Variants in KIRREL3 observed in about 807,000 individuals in gnomAD.
KIRREL3 encodes kin of IRRE-like protein 3.
Under a neutral mutation model 89.7 loss-of-function variants are expected in KIRREL3, and 36 were observed. That is an observed-to-expected ratio of 0.40 (90% CI 0.31 to 0.53). The LOEUF is 0.53. KIRREL3 is among the 20% of genes least tolerant of loss of function. The pLI, the probability that KIRREL3 is intolerant of heterozygous loss-of-function variation, is 0.49. For synonymous variants in KIRREL3, 445 were observed against 441.4 expected (o/e 1.01, Z -0.10); for missense variants, 864 against 1,056.6 (o/e 0.82, Z 2.53).
chr11:126,972,723 G>A (rs565652278), intron 1 of KIRREL3, among the ~76,000 whole-genome samples: 1 of 152,208 alleles, frequency 6.6e-6, no homozygotes, highest in Non-Finnish European at 1.5e-5. Context: ...GCCTGACACC[G>A]TGTCCGTATT....
intron 1 of KIRREL3, among the ~76,000 whole-genome samples, chr11:126,881,660 G>C (rs1387452036): frequency 6.6e-6 from 1 of 152,230 alleles, no homozygotes; most frequent in South Asian, 2.1e-4. Context: ...CAGTTCTCAG[G>C]CCTCAGCATT....
Position 126,732,578 on chromosome 11 carries a change from A to G in KIRREL3, c.56-169666T>C, listed in dbSNP as rs557331998. Among the ~76,000 whole-genome samples, 5 of 152,378 alleles carry G rather than the reference A, an allele frequency of 3.3e-5. No homozygotes were observed. The South Asian group carries it at 1.0e-3, about 32-fold the overall frequency. On this transcript the variant is annotated intron_variant, in intron 1 of 16. Coordinates refer to ENST00000525144, the MANE Select transcript of KIRREL3 (RefSeq NM_032531.4). ...CTGCTTGTCTCGGGAAAGTGTAGTC[A>G]GCTGCAGAGAGACAGTGAGAGAGTG...
Position 126,436,963 on chromosome 11 carries a change from C to T in KIRREL3, c.1400G>A (p.Arg467His), listed in dbSNP as rs369617080. The change falls in exon 12 of 17, where the codon CGC becomes CAC. Residue 467 changes from arginine to histidine, a missense_variant. By Grantham distance (29) the Arg-to-His change is conservative. Coordinates refer to ENST00000525144, the MANE Select transcript of KIRREL3 (RefSeq NM_032531.4). ...GGTGCTGATGGTCTCCACCGTATAGCGCCCCGATGTGCCCGACTCCAGAAC... is the reference window on the plus strand; with the variant it reads ...GGTGCTGATGGTCTCCACCGTATAGTGCCCCGATGTGCCCGACTCCAGAAC... ...ENVLESGTSG[R>H]YTVETISTEE... The T allele has an allele frequency of 1.3e-5, 20 of 1,591,998 alleles. No homozygotes were observed. Among genetic ancestry groups the T allele is most frequent in the African/African-American group, 5.4e-5 (4 of 74,492 alleles).
chr11:126,632,743 C>T (rs1380667524), intron 1 of KIRREL3, among the ~76,000 whole-genome samples: 1 of 3,944 alleles, frequency 2.5e-4, no homozygotes, highest in Non-Finnish European at 6.8e-4. Flanking sequence ...ACTAATGTCT[C>T]CTCATCAATT....
intron 1 of KIRREL3, among the ~76,000 whole-genome samples, chr11:126,662,229 T>C (rs1945437073): frequency 6.6e-6 from 1 of 152,064 alleles, no homozygotes; most frequent in African/African-American, 2.4e-5. Context: ...AAAGGAAAAA[T>C]GCATTGCTAT....
chr11:126,577,592 C>CA (rs61210940), intron 1 of KIRREL3, among the ~76,000 whole-genome samples: 52,118 of 115,876 alleles, frequency 0.45, 12,030 homozygotes, highest in Middle Eastern at 0.57. Context: ...ACTAAAAATA[C>CA]AAAAAAAAAA....
chr11:126,698,842 C>A (rs1053261178), intron 1 of KIRREL3, among the ~76,000 whole-genome samples: 94 of 152,302 alleles, frequency 6.2e-4, no homozygotes, highest in African/African-American at 2.3e-3. Flanking sequence ...TGCACAGAGC[C>A]CAGTAGGAAA....
At chr11:126,435,231 C>G (rs751029688) in intron 13 of KIRREL3, 37 bp downstream of exon 13, 2 of 1,611,374 alleles carry the variant, frequency 1.2e-6, no homozygotes, top group South Asian at 2.2e-5. Context: ...GTCCCTTCCC[C>G]CCTTCCCAGG....
Position 126,448,821 on chromosome 11 carries a change from G to T in KIRREL3, c.997+188C>A, listed in dbSNP as rs555589365. Among the ~76,000 whole-genome samples the T allele has an allele frequency of 4.9e-4, 74 of 152,298 alleles. No homozygotes were observed. The Middle Eastern group carries it at 0.01, about 21-fold the overall frequency. ...CCCAGCCAAGACCCTGACTCATGGG[G>T]TCATGATAGGGATTGAAATAAACAT... is the stretch of plus-strand genomic sequence containing the variant. On this transcript the variant is annotated intron_variant, in intron 8 of 16. Transcript: ENST00000525144.
chr11:126,853,984 T>C (rs1944423459), intron 1 of KIRREL3, among the ~76,000 whole-genome samples: 2 of 152,120 alleles, frequency 1.3e-5, no homozygotes, highest in Non-Finnish European at 2.9e-5. Flanking sequence ...GTAGTGCACA[T>C]GAATCATCTC....
chr11:126,602,509 T>A (rs1024740218), intron 1 of KIRREL3, among the ~76,000 whole-genome samples: 1 of 152,202 alleles, frequency 6.6e-6, no homozygotes, highest in Admixed American at 6.5e-5. Context: ...CCCTGACAGA[T>A]GAGGGAGAGG....
chr11:126,446,718 C>A lies in KIRREL3; in HGVS notation c.1125+41G>T, dbSNP rs558062087. 8.9e-6 allele frequency: 14 copies of A among 1,573,060 alleles called. No individual in the cohort carries two copies. The African/African-American group carries it at 1.2e-4, about 14-fold the overall frequency. ...TTCCTTCTTGCTCCACTGTCCCCGC[C>A]CCCTGCCAGAGGTGCCCCGAGGTCT... On this transcript the variant is annotated intron_variant, in intron 9 of 16. Coordinates refer to ENST00000525144, the MANE Select transcript of KIRREL3 (RefSeq NM_032531.4).
Position 126,623,522 on chromosome 11 carries a change from T to A in KIRREL3, c.56-60610A>T, listed in dbSNP as rs1158338667. Among the ~76,000 whole-genome samples the A allele has an allele frequency of 1.3e-5, 2 of 152,034 alleles. No homozygotes were observed. Among genetic ancestry groups the A allele is most frequent in the Non-Finnish European group, 2.9e-5 (2 of 68,012 alleles). ...TGAGATTTTGTAGCCACTGGAATGA[T>A]CAGAAAAACGTCTGTGTGAATCTTG... On this transcript the variant is annotated intron_variant, in intron 1 of 16. Coordinates refer to ENST00000525144, the MANE Select transcript of KIRREL3 (RefSeq NM_032531.4). The surrounding 1 kb of genome is among the most constrained non-coding windows in gnomAD (Gnocchi z 4.1).
intron 1 of KIRREL3, among the ~76,000 whole-genome samples, chr11:126,874,321 A>G (rs1274600906): frequency 1.3e-5 from 2 of 152,210 alleles, no homozygotes; most frequent in Admixed American, 1.3e-4. Flanking sequence ...AACCATGCTT[A>G]TGAGGGTAGG....
In KIRREL3 at chr11:126,609,433, G is replaced by A. The variant is rs78784611; in HGVS notation, c.56-46521C>T. 1.3e-5 allele frequency among the ~76,000 whole-genome samples: 2 copies of A among 152,120 alleles called. No homozygotes were observed. The highest frequency in any genetic ancestry group is 6.5e-5 in the Admixed American group (1 of 15,278). On this transcript the variant is annotated intron_variant, in intron 1 of 16. Coordinates refer to ENST00000525144, the MANE Select transcript of KIRREL3 (RefSeq NM_032531.4). The surrounding 1 kb of genome is among the most constrained non-coding windows in gnomAD (Gnocchi z 5.0). Reference sequence around the variant, plus strand: ...AAGCAACCAGAGTTATTCCTGCCTCGGGACATGTATGAGGACGGTCTCCTT... The same window carrying A: ...AAGCAACCAGAGTTATTCCTGCCTCAGGACATGTATGAGGACGGTCTCCTT...
At chr11:126,942,098 G>A (rs1948467652) in intron 1 of KIRREL3, among the ~76,000 whole-genome samples, 3 of 152,158 alleles carry the variant, frequency 2.0e-5, no homozygotes, top group Admixed American at 6.6e-5. Flanking sequence ...GTGGGGGCAG[G>A]TGGTACCTTC....
In KIRREL3 at chr11:126,903,938, T is replaced by C. The variant is rs150184596; in HGVS notation, c.55+96517A>G. On this transcript the variant is annotated intron_variant, in intron 1 of 16. Transcript: ENST00000525144. The surrounding 1 kb of genome is among the most constrained non-coding windows in gnomAD (Gnocchi z 4.5). ...CCAACAATGAAAGTAATCCCTTGGT[T>C]CACCCTGGAACAGAACCAGTTCTTT... Among the ~76,000 whole-genome samples, 2 of 152,296 alleles carry C rather than the reference T, an allele frequency of 1.3e-5. No individual in the cohort carries two copies. The highest frequency in any genetic ancestry group is 2.4e-5 in the African/African-American group (1 of 41,566).
chr11:126,791,967 G>C lies in KIRREL3; in HGVS notation c.55+208488C>G, dbSNP rs1452815203. Reference sequence around the variant, plus strand: ...ACAGGTGAAATTCATTGGTGGTGTGGTTCTCCTCTTCTCTGTATGCCACTT... The same window carrying C: ...ACAGGTGAAATTCATTGGTGGTGTGCTTCTCCTCTTCTCTGTATGCCACTT... On this transcript the variant is annotated intron_variant, in intron 1 of 16. Transcript: ENST00000525144. The surrounding 1 kb of genome is among the most constrained non-coding windows in gnomAD (Gnocchi z 4.8). Among the ~76,000 whole-genome samples the C allele has an allele frequency of 6.6e-6, 1 of 152,092 alleles. No homozygotes were observed. The highest frequency in any genetic ancestry group is 1.5e-5 in the Non-Finnish European group (1 of 68,024).
chr11:126,526,414 T>C lies in KIRREL3; in HGVS notation c.283+124A>G. 2.1e-6 allele frequency: 2 copies of C among 939,636 alleles called. No homozygotes were observed. Among genetic ancestry groups the C allele is most frequent in the East Asian group, 2.7e-5 (1 of 37,496 alleles). 58.2% of individuals were successfully genotyped at this position (939,636 alleles called of 1,614,324 possible). On this transcript the variant is annotated intron_variant, in intron 3 of 16. Transcript: ENST00000525144. This position sits in a 1 kb window ranked among gnomAD's most constrained non-coding sequence, Gnocchi z 5.7. The stretch of plus-strand genomic sequence containing the variant: ...CCTAGCCTGACTCTGCCTGAGGAGT[T>C]GCAGTGAAAGCTAGAGATTCGATAC...
Sources: gnomAD v4.1 joint callset for allele counts (sites outside exome capture counted in the v4.1 genomes callset) on GRCh38, gnomAD v4.1.1 for gene constraint, Gnocchi (gnomAD v3.1) non-coding constraint, MANE v1.5 for transcripts, NCBI Gene and HGNC (gene_info 2026-07-23, HGNC 2026-07-21) for gene names.